Variants in GALNTL6 observed in about 807,000 individuals in gnomAD.
The protein encoded by GALNTL6 is polypeptide N-acetylgalactosaminyltransferase-like 6.
GALNTL6 carries 46 observed loss-of-function variants against 73.7 expected under a neutral mutation model. The ratio of observed to expected loss-of-function variants is 0.62; its 90% CI spans 0.49 to 0.80. The LOEUF is 0.80. Ranked by LOEUF, GALNTL6 falls within the 30% of genes least tolerant of loss-of-function variation. GALNTL6 has a pLI of 0.00. For synonymous variants in GALNTL6, 259 were observed against 263.7 expected (o/e 0.98, Z 0.17); for missense variants, 604 against 755.0 (o/e 0.80, Z 2.34).
At chr4:171,896,403 A>G (rs1736919273) in intron 2 of GALNTL6, among the ~76,000 whole-genome samples, 1 of 152,194 alleles carries the variant, frequency 6.6e-6, no homozygotes, top group South Asian at 2.1e-4. Context: ...AGATTTCTGT[A>G]TTTTATACAA....
At chr4:171,961,669 G>A (rs1739224657) in intron 2 of GALNTL6, among the ~76,000 whole-genome samples, 1 of 152,176 alleles carries the variant, frequency 6.6e-6, no homozygotes, top group Non-Finnish European at 1.5e-5. Flanking sequence ...AGTTTCATCA[G>A]TTGTTTTTGA....
intron 5 of GALNTL6, among the ~76,000 whole-genome samples, chr4:172,786,832 A>G (rs1191978631): frequency 1.3e-5 from 2 of 152,174 alleles, no homozygotes; most frequent in Non-Finnish European, 1.5e-5. Context: ...TATTGATGTA[A>G]TTTCTATTTT....
chr4:171,946,781 AAGTCCT>A (rs1484287748), intron 2 of GALNTL6, among the ~76,000 whole-genome samples: 1 of 152,246 alleles, frequency 6.6e-6, no homozygotes, highest in East Asian at 1.9e-4. Context: ...ATCTGGTACA[AAGTCCT>A]GGAGGAAAAG....
intron 5 of GALNTL6, among the ~76,000 whole-genome samples, chr4:172,695,215 GAAC>G (rs756148566): frequency 6.6e-6 from 1 of 151,866 alleles, no homozygotes; most frequent in Non-Finnish European, 1.5e-5. Context: ...TCAGAACACT[GAAC>G]AACAACAAAA....
At position 172,452,821 on chromosome 4, in the gene GALNTL6, A is replaced by G. The variant is rs187467806; in HGVS notation, c.553+104132A>G. Among the ~76,000 whole-genome samples the G allele has an allele frequency of 5.3e-5, 8 of 152,336 alleles. No individual in the cohort carries two copies. In the East Asian group the frequency reaches 1.3e-3, roughly 26 times the overall value. On this transcript the variant is annotated intron_variant, in intron 5 of 12. Transcript: ENST00000506823. ...AAATTCATAATCTATTGTATTCACT[A>G]AGAAGCCAAAACATTCTGGAAGAAA...
chr4:172,594,502 A>G (rs1056180605), intron 5 of GALNTL6, among the ~76,000 whole-genome samples: 2 of 152,182 alleles, frequency 1.3e-5, no homozygotes, highest in African/African-American at 4.8e-5. Context: ...ATTCAGCTTT[A>G]TAATTCCTTT....
At chr4:172,887,295 A>G (rs1318379112) in intron 8 of GALNTL6, among the ~76,000 whole-genome samples, 1 of 152,142 alleles carries the variant, frequency 6.6e-6, no homozygotes, top group Non-Finnish European at 1.5e-5. Context: ...CAATGAACAT[A>G]TGAGTGCATA....
At chr4:172,176,337 C>CAAAAAAAAAAAAAAAAAA (rs562300659) in intron 2 of GALNTL6, among the ~76,000 whole-genome samples, 1,956 of 31,350 alleles carry the variant, frequency 0.062, 774 homozygotes, top group African/African-American at 0.086. Flanking sequence ...GACTCCGTCT[C>CAAAAAAAAAAAAAAAAAA]AAAAAAAAAA....
chr4:172,226,268 T>C (rs1736864194), intron 2 of GALNTL6, among the ~76,000 whole-genome samples: 1 of 152,204 alleles, frequency 6.6e-6, no homozygotes, highest in African/African-American at 2.4e-5. Flanking sequence ...TATCTACTGC[T>C]TTCCCATTAT....
At chr4:171,854,080 A>G (rs1169520752) in intron 2 of GALNTL6, among the ~76,000 whole-genome samples, 1 of 152,184 alleles carries the variant, frequency 6.6e-6, no homozygotes, top group Non-Finnish European at 1.5e-5. Flanking sequence ...ATTGTGAAAT[A>G]TATATACGCA....
intron 5 of GALNTL6, among the ~76,000 whole-genome samples, chr4:172,403,480 A>G (rs1348871762): frequency 6.6e-6 from 1 of 152,056 alleles, no homozygotes; most frequent in East Asian, 1.9e-4. Flanking sequence ...AACTTTTTAA[A>G]TAAAATAATT....
chr4:171,903,992 G>A (rs1029044941), intron 2 of GALNTL6, among the ~76,000 whole-genome samples: 5 of 152,048 alleles, frequency 3.3e-5, no homozygotes, highest in Admixed American at 1.3e-4. Context: ...AAACCCATCT[G>A]TACATCACCA....
chr4:172,962,976 C>T (rs1451498596), intron 10 of GALNTL6, among the ~76,000 whole-genome samples: 1 of 152,122 alleles, frequency 6.6e-6, no homozygotes, highest in Non-Finnish European at 1.5e-5. Context: ...CACCACTCCT[C>T]CATTCAAGCT....
At chr4:172,570,674 G>A (rs1053016381) in intron 5 of GALNTL6, among the ~76,000 whole-genome samples, 85 of 152,176 alleles carry the variant, frequency 5.6e-4, no homozygotes, top group Non-Finnish European at 1.2e-3. Context: ...TCACAGACCA[G>A]TGGTGGGGGT....
At chr4:172,786,399 T>G (rs967625690) in intron 5 of GALNTL6, among the ~76,000 whole-genome samples, 1 of 152,242 alleles carries the variant, frequency 6.6e-6, no homozygotes, top group Non-Finnish European at 1.5e-5. Flanking sequence ...TTTTTATCCT[T>G]CCTATTTTAG....
At chr4:172,948,472 G>A (rs1749277625) in intron 9 of GALNTL6, among the ~76,000 whole-genome samples, 1 of 151,858 alleles carries the variant, frequency 6.6e-6, no homozygotes, top group South Asian at 2.1e-4. Context: ...TTTTCTTTGA[G>A]ACAGAGTTTT....
intron 5 of GALNTL6, among the ~76,000 whole-genome samples, chr4:172,613,688 A>C (rs1041987287): frequency 6.6e-6 from 1 of 152,170 alleles, no homozygotes; most frequent in African/African-American, 2.4e-5. Context: ...AAACATCTTT[A>C]AAGTCAAAAA....
At chr4:171,912,057 C>G (rs556055978) in intron 2 of GALNTL6, among the ~76,000 whole-genome samples, 1 of 152,164 alleles carries the variant, frequency 6.6e-6, no homozygotes, top group African/African-American at 2.4e-5. Context: ...CTTAAAAATA[C>G]TGAGTTCAAG....
At chr4:172,309,420 G>GT (rs11413187) in intron 3 of GALNTL6, among the ~76,000 whole-genome samples, 122,338 of 151,734 alleles carry the variant, frequency 0.81, 49,894 homozygotes, top group Non-Finnish European at 0.87. Flanking sequence ...TTTAAAAAGT[G>GT]TTTTTAAAAT....
Sources: gnomAD v4.1 joint callset for allele counts (sites outside exome capture counted in the v4.1 genomes callset) on GRCh38, gnomAD v4.1.1 for gene constraint, MANE v1.5 for transcripts, NCBI Gene and HGNC (gene_info 2026-07-23, HGNC 2026-07-21) for gene names.